JAGN1: variants seen among roughly 807,000 people sequenced by gnomAD.
The protein encoded by JAGN1 is protein jagunal homolog 1.
Under a neutral mutation model 17.1 loss-of-function variants are expected in JAGN1, and 13 were observed. The ratio of observed to expected loss-of-function variants is 0.76; its 90% CI spans 0.49 to 1.21. The LOEUF (loss-of-function observed/expected upper bound fraction) is 1.21, where lower values mean the gene tolerates loss of function less well. Among genes scored for constraint, JAGN1 ranks in the 50% most tolerant of loss-of-function variants. The pLI is 0.00. For missense variants in JAGN1, 256 were observed against 234.2 expected (o/e 1.09, Z -0.61); for synonymous variants, 111 against 91.0 (o/e 1.22, Z -1.25).
intron 1 of JAGN1, among the ~76,000 whole-genome samples, chr3:9,892,199 G>A (rs1247135327): frequency 6.6e-6 from 1 of 152,018 alleles, no homozygotes; most frequent in East Asian, 1.9e-4. Flanking sequence ...TGTATTTTTA[G>A]TAGAGACAGG....
chr3:9,892,871 A>G (rs2082571939), intron 1 of JAGN1, 44 bp from the exon 2 acceptor site: 1 of 1,366,204 alleles, frequency 7.3e-7, no homozygotes, highest in Admixed American at 1.8e-5. Flanking sequence ...AGTTGGTGGT[A>G]AGAAAAATTT....
At chr3:9,891,606 A>C (rs1225671894) in intron 1 of JAGN1, among the ~76,000 whole-genome samples, 1 of 152,106 alleles carries the variant, frequency 6.6e-6, no homozygotes, top group East Asian at 1.9e-4. Context: ...AAAATTTTAA[A>C]ATTTTTACTT....
chr3:9,893,450 C>T lies in JAGN1; in HGVS notation c.*73C>T, dbSNP rs2082576900. ...TAGTACAGCGGTTCCAAAATCCCTTCTGGTGATTTTAGCAGCTGTGATGTT... is the reference window on the plus strand; with the variant it reads ...TAGTACAGCGGTTCCAAAATCCCTTTTGGTGATTTTAGCAGCTGTGATGTT... On this transcript the variant is annotated 3_prime_UTR_variant, in exon 2 of 2. Transcript: ENST00000647897. 3.2e-6 allele frequency: 4 copies of T among 1,238,234 alleles called. No homozygotes were observed. Among genetic ancestry groups the T allele is most frequent in the African/African-American group, 1.5e-5 (1 of 65,742 alleles). 76.7% of individuals were successfully genotyped at this position (1,238,234 alleles called of 1,614,324 possible). A position where few individuals can be genotyped will look rare whatever the true frequency, so the allele number is the denominator to read the frequency against.
chr3:9,890,880 G>C, intron 1 of JAGN1, 69 bp downstream of exon 1: 2 of 1,333,264 alleles, frequency 1.5e-6, no homozygotes. Context: ...GGGGAGCGAC[G>C]CCGGCCCGGC....
chr3:9,892,404 G>T (rs954554848), intron 1 of JAGN1, among the ~76,000 whole-genome samples: 5 of 151,306 alleles, frequency 3.3e-5, no homozygotes, highest in African/African-American at 1.2e-4. Flanking sequence ...CGAACTCCTG[G>T]GCTCAAGCAG....
chr3:9,892,344 GT>G lies in JAGN1; in HGVS notation c.90-559del, dbSNP rs1014442597. On this transcript the variant is annotated intron_variant, in intron 1 of 1. Coordinates refer to ENST00000647897, the MANE Select transcript of JAGN1 (RefSeq NM_032492.4). ...CCTTTTTATTAGTAGTATTGTTGTT[GT>G]TTTTTTTTTTTATGGAGATGGGGTC... is the stretch of plus-strand genomic sequence containing the variant. Among the ~76,000 whole-genome samples, 106 of 147,914 alleles carry G rather than the reference GT, an allele frequency of 7.2e-4. 2 individuals are homozygous for G. The highest frequency in any genetic ancestry group is 2.4e-3 in the African/African-American group (98 of 40,018).
At chr3:9,892,767 T>C in intron 1 of JAGN1, 148 bp from the exon 2 acceptor site, 1 of 607,368 alleles carries the variant, frequency 1.6e-6, no homozygotes, top group South Asian at 2.1e-5. Flanking sequence ...CTTCATTTTC[T>C]AATTACTTTT....
chr3:9,890,840 C>A lies in JAGN1; in HGVS notation c.89+29C>A, dbSNP rs1002345174. ...TGAAGTGAGGCGAGGAGCACGGAGG[C>A]TTTCTCCCCCGCTGGAGCCTGCGGG... On this transcript the variant is annotated intron_variant, in intron 1 of 1. Transcript: ENST00000647897. 12 of 1,549,712 alleles carry A rather than the reference C, an allele frequency of 7.7e-6. No individual in the cohort carries two copies. The African/African-American group carries it at 1.5e-4, about 19-fold the overall frequency.
In JAGN1 at chr3:9,893,024, C is replaced by T. The variant is rs2082573331; in HGVS notation, c.199C>T (p.Gln67Ter). The T allele has an allele frequency of 6.2e-7, 1 of 1,614,036 alleles. No individual in the cohort carries two copies. Among genetic ancestry groups the T allele is most frequent in the Non-Finnish European group, 8.5e-7 (1 of 1,180,024 alleles). ...VGHLRLLSHD[Q>*]VAMPYQWEYP... ...ACACCTGAGGCTCTTGTCACATGAT[C>T]AGGTGGCCATGCCCTATCAGTGGGA... Residue 67 changes from glutamine to a stop codon, truncating the protein, a stop_gained, in exon 2 of 2, where the codon CAG (glutamine) becomes TAG (stop). Coordinates refer to ENST00000647897, the MANE Select transcript of JAGN1 (RefSeq NM_032492.4). LOFTEE classifies it high-confidence loss of function.
chr3:9,892,619 C>T (rs898850500), intron 1 of JAGN1, among the ~76,000 whole-genome samples: 1 of 152,198 alleles, frequency 6.6e-6, no homozygotes, highest in African/African-American at 2.4e-5. Context: ...GGATGCCCAT[C>T]TTCACTCATT....
At chr3:9,892,765 T>G in intron 1 of JAGN1, 150 bp from the exon 2 acceptor site, 1 of 606,086 alleles carries the variant, frequency 1.6e-6, no homozygotes, top group Non-Finnish European at 2.9e-6. Flanking sequence ...CACTTCATTT[T>G]CTAATTACTT....
rs759703042 is a variant in JAGN1, at chr3:9,890,800, C to T, written c.78C>T (p.His26=). ...DFQHRERVAM[H]YQMSVTLKYE... Reference sequence around the variant, plus strand: ...AGCACCGGGAGCGCGTCGCCATGCACTACCAGATGAGGTATGAAGTGAGGC... The same window carrying T: ...AGCACCGGGAGCGCGTCGCCATGCATTACCAGATGAGGTATGAAGTGAGGC... Residue 26 remains histidine (H), a synonymous_variant, in exon 1 of 2, where the codon CAC becomes CAT. Coordinates refer to ENST00000647897, the MANE Select transcript of JAGN1 (RefSeq NM_032492.4). The T allele has an allele frequency of 1.1e-5, 18 of 1,606,608 alleles. No individual in the cohort carries two copies. The highest frequency in any genetic ancestry group is 1.5e-5 in the Non-Finnish European group (18 of 1,177,450).
Position 9,893,067 on chromosome 3 carries a change from G to A in JAGN1, c.242G>A (p.Ser81Asn). 6.2e-7 allele frequency: 1 copy of A among 1,614,184 alleles called. No homozygotes were observed. The highest frequency in any genetic ancestry group is 8.5e-7 in the Non-Finnish European group (1 of 1,180,034). Residue 81 changes from serine to asparagine, a missense_variant, in exon 2 of 2, where the codon AGC (serine) becomes AAC (asparagine). Physicochemically the swap from Ser to Asn is conservative, Grantham distance 46. Coordinates refer to ENST00000647897, the MANE Select transcript of JAGN1 (RefSeq NM_032492.4). ...PYQWEYPYLL[S>N]ILPSLLGLLS... ...CAGTGGGAATACCCGTATTTGCTGA[G>A]CATTTTGCCCTCTCTCTTGGGCCTT...
In JAGN1 at chr3:9,893,091, TTC is replaced by T. The variant is rs2082573966; in HGVS notation, c.271_272del (p.Ser91LeufsTer7). 6.2e-7 allele frequency: 1 copy of T among 1,614,064 alleles called. No individual in the cohort carries two copies. Among genetic ancestry groups the T allele is most frequent in the African/African-American group, 1.3e-5 (1 of 74,922 alleles). ...AGCATTTTGCCCTCTCTCTTGGGCC[TTC>T]TCTCCTTTCCCCGCAACAACATTAG... On this transcript the variant is annotated frameshift_variant, in exon 2 of 2. Coordinates refer to ENST00000647897, the MANE Select transcript of JAGN1 (RefSeq NM_032492.4). LOFTEE classifies it high-confidence loss of function.
In JAGN1 at chr3:9,890,691, C is replaced by T. The variant is rs1452892612; in HGVS notation, c.-32C>T. ...CGGTGTCGTTGCGGTACCAGGTCCGCGTGAGGGGTTCGGGGGTTCTGGGCA... is the reference window on the plus strand; with the variant it reads ...CGGTGTCGTTGCGGTACCAGGTCCGTGTGAGGGGTTCGGGGGTTCTGGGCA... On this transcript the variant is annotated 5_prime_UTR_variant, in exon 1 of 2. Transcript: ENST00000647897. The T allele has an allele frequency of 1.9e-6, 3 of 1,583,874 alleles. No individual in the cohort carries two copies. The highest frequency in any genetic ancestry group is 1.1e-5 in the South Asian group (1 of 87,288).
intron 1 of JAGN1, among the ~76,000 whole-genome samples, chr3:9,891,938 T>C (rs2125060713): frequency 6.6e-6 from 1 of 152,330 alleles, no homozygotes; most frequent in East Asian, 1.9e-4. Flanking sequence ...CCCGCCAGAC[T>C]TTAATCCTAT....
intron 1 of JAGN1, among the ~76,000 whole-genome samples, chr3:9,891,013 C>G (rs1336490310): frequency 6.6e-6 from 1 of 152,246 alleles, no homozygotes; most frequent in Non-Finnish European, 1.5e-5. Flanking sequence ...ACCCCTTGTT[C>G]CGCCCGGTGC....
chr3:9,890,895 G>A (rs1046500482), intron 1 of JAGN1, 84 bp downstream of exon 1: 11 of 1,228,798 alleles, frequency 9.0e-6, no homozygotes, highest in African/African-American at 1.5e-5. Context: ...CCCGGCCTCA[G>A]GGTCTTGCTC....
chr3:9,892,262 C>T (rs1041640263), intron 1 of JAGN1, among the ~76,000 whole-genome samples: 9 of 151,962 alleles, frequency 5.9e-5, no homozygotes, highest in South Asian at 2.1e-4. Flanking sequence ...GTGATCTGCC[C>T]GCCTCGGCCT....
Sources: allele counts gnomAD v4.1 joint callset (sites outside exome capture counted in the v4.1 genomes callset), GRCh38; gene constraint gnomAD v4.1.1; transcripts MANE v1.5; gene names NCBI Gene and HGNC (gene_info 2026-07-23, HGNC 2026-07-21).